The following PTK2B variants were observed in gnomAD, a reference collection of about 807,000 sequenced individuals.
The protein encoded by PTK2B is protein-tyrosine kinase 2-beta.
PTK2B carries 71 observed loss-of-function variants against 142.9 expected under a neutral mutation model. The ratio of observed to expected loss-of-function variants is 0.50; its 90% CI spans 0.41 to 0.61. The LOEUF (loss-of-function observed/expected upper bound fraction) is 0.61. Ranked by LOEUF, PTK2B falls within the 20% of genes least tolerant of loss-of-function variation. PTK2B has a pLI of 0.00. For synonymous variants in PTK2B, 519 were observed against 503.4 expected (o/e 1.03, Z -0.42); for missense variants, 1,105 against 1,320.4 (o/e 0.84, Z 2.53).
intron 2 of PTK2B, among the ~76,000 whole-genome samples, chr8:27,418,546 A>T (rs980727519): frequency 6.6e-6 from 1 of 152,210 alleles, no homozygotes. Flanking sequence ...TTTGACAGCA[A>T]CCTATTATGC....
rs904903618 is a variant in PTK2B at position 27,440,521 on chromosome 8, C to T, written c.2039+80C>T. On this transcript the variant is annotated intron_variant, in intron 21 of 30. Transcript: ENST00000346049. ...CAAGACCAGCACACAGAGAGGTTTG[C>T]ACCACATCTCCCTAAAGAAGACGGG... 3.4e-6 allele frequency: 5 copies of T among 1,483,882 alleles called. No individual in the cohort carries two copies. The Admixed American group carries it at 6.9e-5, about 20-fold the overall frequency. 91.9% of individuals were successfully genotyped at this position (1,483,882 alleles called of 1,614,324 possible). A position where few individuals can be genotyped will look rare whatever the true frequency, so the allele number is the denominator to read the frequency against.
Position 27,430,403 on chromosome 8 carries a change from G to C in PTK2B, c.654G>C (p.Met218Ile). Residue 218 changes from methionine (M) to isoleucine (I), a missense_variant, in exon 7 of 31, where the codon ATG (methionine) becomes ATC (isoleucine). By Grantham distance (10) the Met-to-Ile change is conservative. Transcript: ENST00000346049. ...TGGACTTGTTTTTCCCAAAGCAGATGCAGGAGAACTTAAAGGTGAGGAAAC... is the reference window on the plus strand; with the variant it reads ...TGGACTTGTTTTTCCCAAAGCAGATCCAGGAGAACTTAAAGGTGAGGAAAC... Reference protein sequence around the residue: ...VGLDLFFPKQMQENLKPKQFR... With the variant: ...VGLDLFFPKQIQENLKPKQFR... 1.2e-6 allele frequency: 2 copies of C among 1,614,190 alleles called. No individual in the cohort carries two copies. Among genetic ancestry groups the C allele is most frequent in the Non-Finnish European group, 1.7e-6 (2 of 1,180,040 alleles).
intron 5 of PTK2B, among the ~76,000 whole-genome samples, chr8:27,425,634 T>C (rs1285261707): frequency 3.3e-5 from 5 of 152,188 alleles, no homozygotes; most frequent in African/African-American, 1.2e-4. Context: ...CATTATTACC[T>C]AAAACCTGTA....
At chr8:27,332,578 A>G (rs540162280) in intron 1 of PTK2B, among the ~76,000 whole-genome samples, 74 of 147,486 alleles carry the variant, frequency 5.0e-4, no homozygotes, top group South Asian at 3.0e-3. Flanking sequence ...TCTTCCCCCA[A>G]TTTTTTTTTT....
At chr8:27,369,245 C>A (rs1188269999) in intron 1 of PTK2B, among the ~76,000 whole-genome samples, 4 of 152,156 alleles carry the variant, frequency 2.6e-5, no homozygotes, top group Non-Finnish European at 5.9e-5. Context: ...CTTCTACCCT[C>A]TTATAATCAC....
chr8:27,430,026 G>C lies in PTK2B; in HGVS notation c.552-67G>C, dbSNP rs1343882580. ...GGGAAGGGGGCTTCTGGTGGCATGA[G>C]GTGCCCTGGGTCTGACTGCCTCATT... On this transcript the variant is annotated intron_variant, in intron 5 of 30. Coordinates refer to ENST00000346049, the MANE Select transcript of PTK2B (RefSeq NM_173176.3). 15 of 1,450,572 alleles carry C rather than the reference G, an allele frequency of 1.0e-5. No individual in the cohort carries two copies. The East Asian group carries it at 3.4e-4, about 33-fold the overall frequency. 89.9% of individuals were successfully genotyped at this position (1,450,572 alleles called of 1,614,324 possible). A position where few individuals can be genotyped will look rare whatever the true frequency, so the allele number is the denominator to read the frequency against.
At chr8:27,425,423 C>T (rs1487069493) in intron 5 of PTK2B, among the ~76,000 whole-genome samples, 2 of 151,916 alleles carry the variant, frequency 1.3e-5, no homozygotes, top group African/African-American at 4.8e-5. Flanking sequence ...TCTCTTTACC[C>T]TTCTTTTGTT....
intron 1 of PTK2B, among the ~76,000 whole-genome samples, chr8:27,380,110 T>C (rs1806923370): frequency 6.6e-6 from 1 of 152,198 alleles, no homozygotes; most frequent in African/African-American, 2.4e-5. Context: ...TGCTGAGCTT[T>C]CTGTCCATAA....
intron 5 of PTK2B, among the ~76,000 whole-genome samples, chr8:27,425,127 T>C (rs1340559395): frequency 6.6e-6 from 1 of 151,764 alleles, no homozygotes; most frequent in Non-Finnish European, 1.5e-5. Context: ...AACATATATC[T>C]GTTAGTATAT....
chr8:27,452,574 AAAAG>A (rs1053176049), intron 27 of PTK2B: 4 of 152,184 alleles, frequency 2.6e-5, no homozygotes, highest in African/African-American at 9.7e-5. Context: ...AAAAAAAAAA[AAAAG>A]AACAAAGTGT....
rs149530445 is a variant in PTK2B at position 27,436,277 on chromosome 8, G to T, written c.1270G>T (p.Asp424Tyr). 1.2e-5 allele frequency: 20 copies of T among 1,614,212 alleles called. No homozygotes were observed. Among genetic ancestry groups the T allele is most frequent in the African/African-American group, 2.7e-5 (2 of 75,058 alleles). Residue 424 changes from aspartate to tyrosine, a missense_variant, in exon 15 of 31, where the codon GAT (aspartate) becomes TAT (tyrosine). Physicochemically the swap from Asp to Tyr is radical, Grantham distance 160. Transcript: ENST00000346049. ...GGPQYGIARE[D>Y]VVLNRILGEG... is the part of the protein sequence containing the mutation. ...TCCACAGTATGGCATTGCCCGTGAA[G>T]ATGTGGTCCTGAATCGTATTCTTGG...
chr8:27,420,612 C>T (rs768757001), intron 3 of PTK2B, 45 bp from the exon 4 acceptor site: 2 of 1,569,998 alleles, frequency 1.3e-6, no homozygotes, highest in Non-Finnish European at 8.8e-7. Flanking sequence ...TTTCTTCAGG[C>T]ACCAGCTTCT....
intron 1 of PTK2B, among the ~76,000 whole-genome samples, chr8:27,382,947 T>G (rs1383023698): frequency 6.6e-6 from 1 of 152,254 alleles, no homozygotes; most frequent in Admixed American, 6.5e-5. Context: ...GCTATTTTGG[T>G]TACTTTAGCT....
intron 1 of PTK2B, among the ~76,000 whole-genome samples, chr8:27,360,662 G>A (rs1283325669): frequency 7.2e-5 from 11 of 152,184 alleles, no homozygotes; most frequent in African/African-American, 2.7e-4. Flanking sequence ...ATTTCCTGGG[G>A]TACGATGCCC....
intron 1 of PTK2B, among the ~76,000 whole-genome samples, chr8:27,389,259 GGGAAGGAAGGAAAGAAGAAAGGA>G (rs1387140311): frequency 3.3e-5 from 5 of 151,914 alleles, no homozygotes; most frequent in Non-Finnish European, 4.4e-5. Flanking sequence ...AGAGAGAGGA[GGGAAGGAAGGAAAGAAGAAAGGA>G]GGGAGGGAGG....
intron 8 of PTK2B, 63 bp downstream of exon 8, chr8:27,431,079 C>T (rs1810386888): frequency 6.4e-7 from 1 of 1,569,774 alleles, no homozygotes; most frequent in Admixed American, 1.7e-5. Flanking sequence ...GAAAAGGGGG[C>T]CAGGAGGGGG....
intron 26 of PTK2B, 143 bp downstream of exon 26, chr8:27,451,221 T>A (rs1457900600): frequency 9.0e-6 from 10 of 1,106,600 alleles, no homozygotes; most frequent in Non-Finnish European, 1.2e-5. Flanking sequence ...AGGGTGTCTT[T>A]TCCTTTTCTG....
intron 2 of PTK2B, among the ~76,000 whole-genome samples, chr8:27,410,037 A>G (rs1480249278): frequency 6.6e-6 from 1 of 152,214 alleles, no homozygotes. Flanking sequence ...CTTTTTTTCA[A>G]CAAAAGCTTA....
At chr8:27,351,731 A>C (rs80162260) in intron 1 of PTK2B, among the ~76,000 whole-genome samples, 4,516 of 152,324 alleles carry the variant, frequency 0.03, 92 homozygotes, top group Middle Eastern at 0.051. Flanking sequence ...TAAAACATAG[A>C]CTTATCTATG....
Sources: allele counts gnomAD v4.1 joint callset (sites outside exome capture counted in the v4.1 genomes callset), GRCh38; gene constraint gnomAD v4.1.1; transcripts MANE v1.5; gene names NCBI Gene and HGNC (gene_info 2026-07-23, HGNC 2026-07-21).